LHFPL3: variants seen among roughly 807,000 people sequenced by gnomAD.
LHFPL3 encodes the protein LHFPL tetraspan subfamily member 3.
LHFPL3 carries 5 observed loss-of-function variants against 19.3 expected under a neutral mutation model. The ratio of observed to expected loss-of-function variants is 0.26; its 90% CI spans 0.14 to 0.54. LHFPL3 has a LOEUF of 0.54. LHFPL3 is among the 20% of genes least tolerant of loss of function. The pLI, the probability that LHFPL3 is intolerant of heterozygous loss-of-function variation, is 0.94. For missense variants in LHFPL3, 249 were observed against 307.4 expected, an observed-to-expected ratio of 0.81 and a Z score of 1.42; for synonymous variants, 133 against 126.2, an observed-to-expected ratio of 1.05 and a Z score of -0.36.
At chr7:104,438,692 TA>T (rs939532293) in intron 1 of LHFPL3, among the ~76,000 whole-genome samples, 12 of 149,352 alleles carry the variant, frequency 8.0e-5, no homozygotes, top group East Asian at 3.9e-4. Context: ...GTCAAGAAGG[TA>T]AAAAAAAAGA....
chr7:104,352,488 A>G (rs1349542918), intron 1 of LHFPL3, among the ~76,000 whole-genome samples: 1 of 152,106 alleles, frequency 6.6e-6, no homozygotes, highest in Non-Finnish European at 1.5e-5. Context: ...AAGGCATCCA[A>G]TCTACCTTCC....
intron 1 of LHFPL3, among the ~76,000 whole-genome samples, chr7:104,455,520 A>C (rs1792522413): frequency 6.6e-6 from 1 of 152,172 alleles, no homozygotes; most frequent in Admixed American, 6.5e-5. Context: ...CAAGAGTTTG[A>C]AACTAGCCTG....
At chr7:104,624,695 G>A (rs1206904715) in intron 1 of LHFPL3, among the ~76,000 whole-genome samples, 3 of 152,158 alleles carry the variant, frequency 2.0e-5, no homozygotes, top group Non-Finnish European at 4.4e-5. Flanking sequence ...AGAGAAGGAG[G>A]AAGAGTAATT....
At chr7:104,400,069 C>T (rs1384986149) in intron 1 of LHFPL3, among the ~76,000 whole-genome samples, 1 of 130,810 alleles carries the variant, frequency 7.6e-6, no homozygotes, top group South Asian at 2.4e-4. Context: ...ACACCATTGC[C>T]CTCCAGCCTG....
chr7:104,730,749 A>G (rs1262228750), intron 1 of LHFPL3, among the ~76,000 whole-genome samples: 1 of 152,156 alleles, frequency 6.6e-6, no homozygotes, highest in Non-Finnish European at 1.5e-5. Context: ...CTTCACTTTA[A>G]TTAGATCCCA....
At chr7:104,732,214 G>T (rs188047066) in intron 1 of LHFPL3, among the ~76,000 whole-genome samples, 1 of 152,096 alleles carries the variant, frequency 6.6e-6, no homozygotes, top group Non-Finnish European at 1.5e-5. Flanking sequence ...GCCAGGCTTT[G>T]GTATCAGGAT....
At chr7:104,524,907 G>A (rs183902357) in intron 1 of LHFPL3, among the ~76,000 whole-genome samples, 1 of 152,070 alleles carries the variant, frequency 6.6e-6, no homozygotes, top group Non-Finnish European at 1.5e-5. Context: ...TTCTGGTTTG[G>A]CTTCTGCATT....
chr7:104,442,100 G>A (rs1278534269), intron 1 of LHFPL3, among the ~76,000 whole-genome samples: 2 of 151,460 alleles, frequency 1.3e-5, no homozygotes, highest in Admixed American at 6.6e-5. Context: ...TCTAACAGGT[G>A]TGAGGTGATA....
At chr7:104,636,046 TC>T (rs1715886348) in intron 1 of LHFPL3, among the ~76,000 whole-genome samples, 1 of 152,108 alleles carries the variant, frequency 6.6e-6, no homozygotes, top group Admixed American at 6.5e-5. Flanking sequence ...AAAATGTAAT[TC>T]AAGACAGGAA....
At chr7:104,472,133 C>T (rs1229723166) in intron 1 of LHFPL3, among the ~76,000 whole-genome samples, 1 of 150,832 alleles carries the variant, frequency 6.6e-6, no homozygotes, top group East Asian at 1.9e-4. Flanking sequence ...GCTATGATTG[C>T]ACCACTGCAC....
intron 1 of LHFPL3, among the ~76,000 whole-genome samples, chr7:104,540,552 A>G (rs576680114): frequency 6.6e-6 from 1 of 152,354 alleles, no homozygotes; most frequent in East Asian, 1.9e-4. Flanking sequence ...TTTCGATATA[A>G]TAAAATAACA....
intron 1 of LHFPL3, among the ~76,000 whole-genome samples, chr7:104,350,633 C>T (rs965105005): frequency 2.6e-5 from 4 of 152,170 alleles, no homozygotes; most frequent in African/African-American, 4.8e-5. Flanking sequence ...TCTGTGACCT[C>T]ACAAAGCTTA....
In LHFPL3 at chr7:104,359,550, C is replaced by T. The variant is rs375659351; in HGVS notation, c.445+30326C>T. The stretch of plus-strand genomic sequence containing the variant: ...TTCCACAAAACTAACTTAGCCAATT[C>T]ATATATCTTGGCCATTCTTTGACTA... On this transcript the variant is annotated intron_variant, in intron 1 of 2. Coordinates refer to ENST00000424859, the MANE Select transcript of LHFPL3 (RefSeq NM_199000.3). 2.6e-5 allele frequency among the ~76,000 whole-genome samples: 4 copies of T among 152,188 alleles called. 1 individual carries two copies. In the East Asian group the frequency reaches 5.8e-4, roughly 22 times the overall value.
chr7:104,603,447 C>G (rs1791026238), intron 1 of LHFPL3, among the ~76,000 whole-genome samples: 2 of 152,162 alleles, frequency 1.3e-5, no homozygotes, highest in South Asian at 4.2e-4. Flanking sequence ...CCCCTGGCCC[C>G]CAAAATTCAT....
intron 2 of LHFPL3, among the ~76,000 whole-genome samples, chr7:104,822,860 G>A (rs1183651597): frequency 6.6e-6 from 1 of 152,158 alleles, no homozygotes; most frequent in African/African-American, 2.4e-5. Context: ...GGGGCAGTGG[G>A]CTGGTACCAA....
chr7:104,708,806 C>T (rs1793238135), intron 1 of LHFPL3, among the ~76,000 whole-genome samples: 1 of 152,114 alleles, frequency 6.6e-6, no homozygotes, highest in Non-Finnish European at 1.5e-5. Flanking sequence ...GCCTCTGTCT[C>T]CCTTTTTTCC....
chr7:104,727,803 G>A (rs543809500), intron 1 of LHFPL3, among the ~76,000 whole-genome samples: 1 of 152,258 alleles, frequency 6.6e-6, no homozygotes, highest in African/African-American at 2.4e-5. Flanking sequence ...AGTAAGTGGG[G>A]GCTGGATTAC....
intron 1 of LHFPL3, among the ~76,000 whole-genome samples, chr7:104,706,757 G>A (rs1398959806): frequency 6.6e-6 from 1 of 152,106 alleles, no homozygotes; most frequent in African/African-American, 2.4e-5. Flanking sequence ...CCTTATATGG[G>A]AAAAGGTTTT....
At chr7:104,534,308 T>A in intron 1 of LHFPL3, among the ~76,000 whole-genome samples, 1 of 152,204 alleles carries the variant, frequency 6.6e-6, no homozygotes, top group East Asian at 1.9e-4. Context: ...CATAGCTCAG[T>A]GTGTTTGAGA....
Sources: gnomAD v4.1 joint callset for allele counts (sites outside exome capture counted in the v4.1 genomes callset) on GRCh38, gnomAD v4.1.1 for gene constraint, MANE v1.5 for transcripts, NCBI Gene and HGNC (gene_info 2026-07-23, HGNC 2026-07-21) for gene names.